WLS: variants seen among roughly 807,000 people sequenced by gnomAD.
WLS encodes Wnt ligand secretion mediator, also known as protein wntless homolog.
Under a neutral mutation model 62.8 loss-of-function variants are expected in WLS, and 23 were observed. The ratio of observed to expected loss-of-function variants is 0.37; its 90% CI spans 0.26 to 0.52. The LOEUF (loss-of-function observed/expected upper bound fraction) is 0.52. Ranked by LOEUF, WLS falls within the 20% of genes least tolerant of loss-of-function variation. The pLI, the probability that WLS is intolerant of heterozygous loss-of-function variation, is 0.92. For missense variants in WLS, 615 were observed against 697.3 expected, an observed-to-expected ratio of 0.88 and a Z score of 1.33; for synonymous variants, 246 against 244.1, an observed-to-expected ratio of 1.01 and a Z score of -0.07.
intron 2 of WLS, among the ~76,000 whole-genome samples, chr1:68,190,991 G>A (rs1648264389): frequency 6.6e-6 from 1 of 151,584 alleles, no homozygotes; most frequent in African/African-American, 2.4e-5. Context: ...ACGGGAGGTG[G>A]AGGTTGTGGT....
intron 2 of WLS, among the ~76,000 whole-genome samples, chr1:68,182,757 G>GGA (rs1292812770): frequency 1.3e-5 from 2 of 152,140 alleles, no homozygotes; most frequent in African/African-American, 4.8e-5. Flanking sequence ...TTTTTTGGTG[G>GGA]GAGAGGAGGG....
chr1:68,137,980 G>C, intron 10 of WLS, 47 bp from the exon 11 acceptor site: 2 of 1,607,086 alleles, frequency 1.2e-6, no homozygotes, highest in Non-Finnish European at 1.7e-6. Context: ...AGAAGAAACA[G>C]AAGAAACATA....
intron 9 of WLS, among the ~76,000 whole-genome samples, chr1:68,145,471 G>A (rs910636241): frequency 6.6e-6 from 1 of 152,060 alleles, no homozygotes; most frequent in East Asian, 1.9e-4. Flanking sequence ...ATCAGATCAC[G>A]TGGGCTAAAC....
chr1:68,211,300 C>T (rs1370672127), intron 1 of WLS, among the ~76,000 whole-genome samples: 1 of 144,346 alleles, frequency 6.9e-6, no homozygotes, highest in Non-Finnish European at 1.5e-5. Flanking sequence ...CTGAGGCACA[C>T]AGCCTCCTTT....
At chr1:68,130,816 G>T (rs1469007187) in intron 11 of WLS, among the ~76,000 whole-genome samples, 1 of 151,148 alleles carries the variant, frequency 6.6e-6, no homozygotes. Context: ...CTGGAGACCA[G>T]CCTGGGCAAC....
intron 2 of WLS, among the ~76,000 whole-genome samples, chr1:68,161,189 G>A (rs1197223489): frequency 2.6e-5 from 4 of 152,122 alleles, no homozygotes; most frequent in Non-Finnish European, 4.4e-5. Context: ...CACTCAGTAT[G>A]CAGTTCAGAT....
At chr1:68,226,497 A>G (rs966961702) in intron 1 of WLS, among the ~76,000 whole-genome samples, 6 of 152,234 alleles carry the variant, frequency 3.9e-5, no homozygotes, top group Admixed American at 2.6e-4. Flanking sequence ...CTATTTCAAG[A>G]TGAAATATTA....
chr1:68,135,811 G>A (rs1646601580), intron 11 of WLS, among the ~76,000 whole-genome samples: 1 of 152,132 alleles, frequency 6.6e-6, no homozygotes, highest in Admixed American at 6.5e-5. Flanking sequence ...TGCTGCTCGT[G>A]TTGTGGAAGC....
At chr1:68,136,080 C>T (rs1431812180) in intron 11 of WLS, among the ~76,000 whole-genome samples, 1 of 152,154 alleles carries the variant, frequency 6.6e-6, no homozygotes, top group Non-Finnish European at 1.5e-5. Context: ...TCATGTCCAG[C>T]ATGCTCTCGC....
intron 1 of WLS, among the ~76,000 whole-genome samples, chr1:68,208,786 T>A (rs1486169449): frequency 6.6e-6 from 1 of 152,186 alleles, no homozygotes; most frequent in African/African-American, 2.4e-5. Flanking sequence ...TGTTCATACA[T>A]GACATGGGGA....
chr1:68,119,177 A>T (rs1646334274), intron 11 of WLS, among the ~76,000 whole-genome samples: 1 of 152,138 alleles, frequency 6.6e-6, no homozygotes. Flanking sequence ...ACATAGAAAG[A>T]TTTCCTAGAT....
intron 11 of WLS, among the ~76,000 whole-genome samples, chr1:68,129,425 C>G (rs1038721389): frequency 6.6e-6 from 1 of 152,198 alleles, no homozygotes; most frequent in Non-Finnish European, 1.5e-5. Flanking sequence ...AATCAGTGCA[C>G]TGACAGGAGA....
intron 2 of WLS, among the ~76,000 whole-genome samples, chr1:68,172,195 A>C (rs959899202): frequency 2.6e-5 from 4 of 152,088 alleles, no homozygotes; most frequent in African/African-American, 9.7e-5. Context: ...TAGTATTAGG[A>C]GAAATACCTA....
chr1:68,220,128 C>G (rs1463398345), intron 1 of WLS, among the ~76,000 whole-genome samples: 3 of 152,088 alleles, frequency 2.0e-5, no homozygotes, highest in Non-Finnish European at 4.4e-5. Context: ...AAAAACAACC[C>G]AAGTTAATTA....
chr1:68,201,494 C>T lies in WLS; in HGVS notation c.107-7267G>A, dbSNP rs575428762. Reference sequence around the variant, plus strand: ...TTTCAACCATACCCATTAAATCTTACTAGCTTACTAAATGAAGTATTATTT... The same window carrying T: ...TTTCAACCATACCCATTAAATCTTATTAGCTTACTAAATGAAGTATTATTT... On this transcript the variant is annotated intron_variant, in intron 1 of 11. Coordinates refer to ENST00000262348, the MANE Select transcript of WLS (RefSeq NM_024911.7). 4.9e-4 allele frequency among the ~76,000 whole-genome samples: 74 copies of T among 152,326 alleles called. 1 individual carries two copies. The highest frequency in any genetic ancestry group is 1.8e-3 in the African/African-American group (73 of 41,568).
At chr1:68,117,463 G>A (rs1466404011) in intron 11 of WLS, 1 of 152,326 alleles carries the variant, frequency 6.6e-6, no homozygotes, top group African/African-American at 2.4e-5. Context: ...GGCTCGTGTG[G>A]TCCCTGTTTG....
intron 11 of WLS, among the ~76,000 whole-genome samples, chr1:68,131,062 T>TGTGTGTG (rs1646512932): frequency 3.4e-5 from 5 of 146,068 alleles, no homozygotes; most frequent in Admixed American, 6.8e-5. Flanking sequence ...CCAGCTAATT[T>TGTGTGTG]TGTGTGTGTG....
At chr1:68,198,294 C>T (rs549836340) in intron 1 of WLS, among the ~76,000 whole-genome samples, 1 of 152,148 alleles carries the variant, frequency 6.6e-6, no homozygotes, top group African/African-American at 2.4e-5. Flanking sequence ...GTTATAAAAC[C>T]ATGAGCTATT....
intron 2 of WLS, among the ~76,000 whole-genome samples, chr1:68,166,723 T>C (rs543510194): frequency 6.6e-6 from 1 of 152,348 alleles, no homozygotes; most frequent in African/African-American, 2.4e-5. Context: ...ATCTAAGCTT[T>C]CTAAAGCCAT....
Sources: gnomAD v4.1 joint callset for allele counts (sites outside exome capture counted in the v4.1 genomes callset) on GRCh38, gnomAD v4.1.1 for gene constraint, MANE v1.5 for transcripts, NCBI Gene and HGNC (gene_info 2026-07-23, HGNC 2026-07-21) for gene names.